The following MICAL3 variants were observed in gnomAD, a reference collection of about 807,000 sequenced individuals.
MICAL3 encodes microtubule associated monooxygenase, calponin and LIM domain containing 3, also known as [F-actin]-monooxygenase MICAL3.
In MICAL3, 62 loss-of-function variants were observed where a neutral mutation model predicts 207.4. The observed-to-expected ratio is 0.30, with a 90% confidence interval of 0.24 to 0.37. The LOEUF (loss-of-function observed/expected upper bound fraction) is 0.37. MICAL3 is among the 10% of genes least tolerant of loss of function. The probability of loss-of-function intolerance (pLI) is 1.00; values close to 1 mark genes in which losing one functional copy is unlikely to be tolerated. For missense variants in MICAL3, 2,368 were observed against 2,635.6 expected (o/e 0.90, Z 2.22); for synonymous variants, 1,077 against 1,069.3 (o/e 1.01, Z -0.14).
intron 7 of MICAL3, 83 bp downstream of exon 7, chr22:17,899,365 G>A (rs768335398): frequency 2.6e-5 from 24 of 933,740 alleles, no homozygotes; most frequent in Non-Finnish European, 3.9e-5. Flanking sequence ...TCCCTTGCAG[G>A]AAAAACCCAT....
chr22:17,815,761 G>T (rs4269007), intron 27 of MICAL3: 45,978 of 152,236 alleles, frequency 0.3, 7,294 homozygotes, highest in Non-Finnish European at 0.34. Flanking sequence ...GCGAAATAAA[G>T]CGTCTGGTTT....
chr22:17,864,354 G>T (rs1926830374), intron 19 of MICAL3: 2 of 1,254,904 alleles, frequency 1.6e-6, no homozygotes, highest in South Asian at 2.0e-5. Context: ...CAGGAGAGCA[G>T]CCACAGCTCA....
At chr22:18,002,506 G>A (rs1347634636) in intron 1 of MICAL3, among the ~76,000 whole-genome samples, 6 of 151,950 alleles carry the variant, frequency 3.9e-5, no homozygotes, top group Non-Finnish European at 4.4e-5. Flanking sequence ...GGTGGCGCGC[G>A]TCTGTAATCT....
intron 19 of MICAL3, chr22:17,858,550 G>C: frequency 1.3e-6 from 1 of 759,348 alleles, no homozygotes; most frequent in South Asian, 6.0e-5. Context: ...GTGGGACCGG[G>C]TCCTATACGG....
chr22:17,891,649 C>T lies in MICAL3; in HGVS notation c.1547-17G>A. On this transcript the variant is annotated splice_polypyrimidine_tract_variant and intron_variant, in intron 11 of 31. Coordinates refer to ENST00000441493, the MANE Select transcript of MICAL3 (RefSeq NM_015241.3). Reference sequence around the variant, plus strand: ...CTACAGACTCTAAAACAACAAAACACAGTATTATTGGAGGTGTGGTCACCT... The same window carrying T: ...CTACAGACTCTAAAACAACAAAACATAGTATTATTGGAGGTGTGGTCACCT... 6.2e-7 allele frequency: 1 copy of T among 1,612,774 alleles called. No individual in the cohort carries two copies.
intron 19 of MICAL3, among the ~76,000 whole-genome samples, chr22:17,852,845 C>T (rs551692167): frequency 4.4e-4 from 67 of 152,244 alleles, no homozygotes; most frequent in African/African-American, 1.3e-3. Flanking sequence ...GAGGCTGAGG[C>T]GGGAGGATCA....
chr22:18,003,928 C>T (rs1247604883), intron 1 of MICAL3, among the ~76,000 whole-genome samples: 2 of 152,160 alleles, frequency 1.3e-5, no homozygotes, highest in East Asian at 3.9e-4. Flanking sequence ...TGCCACCACA[C>T]CTGGCTAATT....
At chr22:17,832,338 C>T (rs1460024386) in intron 20 of MICAL3, among the ~76,000 whole-genome samples, 3 of 152,194 alleles carry the variant, frequency 2.0e-5, no homozygotes, top group African/African-American at 7.2e-5. Context: ...CTCCTGCTCA[C>T]AGACCTCACG....
At chr22:17,854,900 AC>A (rs1229122642) in intron 19 of MICAL3, among the ~76,000 whole-genome samples, 3 of 152,196 alleles carry the variant, frequency 2.0e-5, no homozygotes, top group African/African-American at 7.2e-5. Flanking sequence ...TTACAGCAGG[AC>A]GTCTCACTAA....
chr22:17,855,656 G>A (rs564629161), intron 19 of MICAL3, among the ~76,000 whole-genome samples: 12 of 152,290 alleles, frequency 7.9e-5, no homozygotes, highest in South Asian at 4.1e-4. Context: ...CAGTCAATTC[G>A]GATGGTTGTC....
At chr22:17,835,912 C>T (rs976935715) in intron 20 of MICAL3, among the ~76,000 whole-genome samples, 2 of 152,218 alleles carry the variant, frequency 1.3e-5, no homozygotes, top group African/African-American at 2.4e-5. Flanking sequence ...CCAGGGGCTG[C>T]GGTGAAAGCC....
intron 19 of MICAL3, 160 bp downstream of exon 19, chr22:17,864,739 G>T: frequency 6.2e-7 from 1 of 1,613,696 alleles, no homozygotes; most frequent in Non-Finnish European, 8.5e-7. Flanking sequence ...GACTCCGAAC[G>T]CAAGCAGCTG....
chr22:17,872,987 C>T, intron 16 of MICAL3: 1 of 670,206 alleles, frequency 1.5e-6, no homozygotes. Context: ...CAGCAGCAAA[C>T]CATGCCAACA....
intron 1 of MICAL3, among the ~76,000 whole-genome samples, chr22:18,019,567 C>T (rs1310145667): frequency 1.3e-5 from 2 of 151,524 alleles, no homozygotes; most frequent in East Asian, 2.0e-4. Context: ...TGGTGGCACA[C>T]GCCTGTAATC....
intron 19 of MICAL3, among the ~76,000 whole-genome samples, chr22:17,849,833 T>G (rs1925100560): frequency 6.6e-6 from 1 of 151,502 alleles, no homozygotes; most frequent in South Asian, 2.1e-4. Context: ...TAGCTGGGAT[T>G]ACAGGTGTGC....
At chr22:17,811,104 C>CT (rs2062043712) in intron 27 of MICAL3, 1 of 331,170 alleles carries the variant, frequency 3.0e-6, no homozygotes, top group African/African-American at 2.1e-5. Context: ...GGACAGGAGG[C>CT]TGAGTGGGGA....
At chr22:17,834,920 G>A (rs938389120) in intron 20 of MICAL3, among the ~76,000 whole-genome samples, 1 of 152,236 alleles carries the variant, frequency 6.6e-6, no homozygotes, top group Non-Finnish European at 1.5e-5. Flanking sequence ...GCTGGGCCAA[G>A]GGAAGGCCCC....
chr22:17,861,336 T>C, intron 19 of MICAL3: 1 of 985,480 alleles, frequency 1.0e-6, no homozygotes, highest in Non-Finnish European at 1.2e-6. Flanking sequence ...CTGCCACTTG[T>C]GACCTTCATT....
At chr22:17,848,882 A>C (rs1924919496) in intron 19 of MICAL3, among the ~76,000 whole-genome samples, 1 of 152,194 alleles carries the variant, frequency 6.6e-6, no homozygotes, top group Non-Finnish European at 1.5e-5. Flanking sequence ...AGGCTGCTTG[A>C]TGGGGCTCAC....
Sources: gnomAD v4.1 joint callset for allele counts (sites outside exome capture counted in the v4.1 genomes callset) on GRCh38, gnomAD v4.1.1 for gene constraint, MANE v1.5 for transcripts, NCBI Gene and HGNC (gene_info 2026-07-23, HGNC 2026-07-21) for gene names.